ZFP14: variants seen among roughly 807,000 people sequenced by gnomAD.
ZFP14 encodes the protein ZFP14 zinc finger protein.
A neutral mutation model predicts 54.5 loss-of-function variants in ZFP14; 22 were observed. The ratio of observed to expected loss-of-function variants is 0.40; its 90% CI spans 0.29 to 0.58. The LOEUF is 0.58. Among genes scored for constraint, ZFP14 ranks in the 20% least tolerant of loss-of-function variants. ZFP14 has a pLI of 0.39. For synonymous variants in ZFP14, 159 were observed against 204.0 expected (o/e 0.78, Z 1.88); for missense variants, 470 against 637.8 (o/e 0.74, Z 2.83).
rs927909245 is a variant in ZFP14 at position 36,337,907 on chromosome 19, A to G, written c.*2317T>C. ...ATTGAAGATCATGTTTTCTGGACCC[A>G]TTATTCCATTAAGGTCTAGAAAATG... On this transcript the variant is annotated 3_prime_UTR_variant, in exon 5 of 5. Coordinates refer to ENST00000270001, the MANE Select transcript of ZFP14 (RefSeq NM_020917.3). The G allele has an allele frequency of 6.6e-6, 1 of 152,220 alleles. No individual in the cohort carries two copies. The highest frequency in any genetic ancestry group is 2.4e-5 in the African/African-American group (1 of 41,454). The allele number at this position is 152,220 out of a possible 1,614,324, so 9.4% of individuals were successfully genotyped here. A position where few individuals can be genotyped will look rare whatever the true frequency, so the allele number is the denominator to read the frequency against.
intron 4 of ZFP14, among the ~76,000 whole-genome samples, chr19:36,349,106 G>C (rs2145545389): frequency 6.6e-6 from 1 of 151,588 alleles, no homozygotes; most frequent in South Asian, 2.1e-4. Context: ...CCACATGCCT[G>C]TAATTCCAGC....
chr19:36,336,237 C>CGTT lies in ZFP14; in HGVS notation c.*3986_*3987insAAC, dbSNP rs2031192553. On this transcript the variant is annotated 3_prime_UTR_variant, in exon 5 of 5. Coordinates refer to ENST00000270001, the MANE Select transcript of ZFP14 (RefSeq NM_020917.3). ...TACTTTCTACTGTTACTTGGCTGTT[C>CGTT]CTTTTTTTTTTTTTTTTTTTTTGAC... 8.1e-6 allele frequency: 1 copy of CGTT among 123,124 alleles called. No individual in the cohort carries two copies. The highest frequency in any genetic ancestry group is 1.6e-5 in the Non-Finnish European group (1 of 61,248). 7.6% of individuals were successfully genotyped at this position (123,124 alleles called of 1,614,324 possible).
intron 2 of ZFP14, among the ~76,000 whole-genome samples, chr19:36,363,300 T>C (rs56854596): frequency 0.039 from 5,911 of 150,504 alleles, 357 homozygotes; most frequent in African/African-American, 0.14. Context: ...TTCACGCCAT[T>C]CTCCTGCCTC....
chr19:36,372,108 GAAGGAAGA>G (rs1252121029), intron 1 of ZFP14, among the ~76,000 whole-genome samples: 2 of 151,260 alleles, frequency 1.3e-5, no homozygotes, highest in Non-Finnish European at 3.0e-5. Flanking sequence ...AGGAAGGAAG[GAAGGAAGA>G]AAGGAAGGAA....
At chr19:36,354,533 T>C (rs2031582760) in intron 4 of ZFP14, among the ~76,000 whole-genome samples, 1 of 141,992 alleles carries the variant, frequency 7.0e-6, no homozygotes, top group Non-Finnish European at 1.6e-5. Flanking sequence ...AATACAAAGC[T>C]CCCCTCAGCC....
rs1328103405 is a variant in ZFP14, at chr19:36,349,252, A to C, written c.236-7662T>G. The stretch of plus-strand genomic sequence containing the variant: ...GTCTCAAAAAAAAAAACAAAAAAAA[A>C]AAAACAAAAAAAAAAAAACAGGAAG... On this transcript the variant is annotated intron_variant, in intron 4 of 4. Transcript: ENST00000270001. Among the ~76,000 whole-genome samples the C allele has an allele frequency of 1.3e-4, 9 of 70,074 alleles. 1 individual carries two copies. Among genetic ancestry groups the C allele is most frequent in the South Asian group, 1.2e-3 (3 of 2,572 alleles). 46.0% of individuals were successfully genotyped at this position (70,074 alleles called of 152,430 possible). A position where few individuals can be genotyped will look rare whatever the true frequency, so the allele number is the denominator to read the frequency against.
chr19:36,357,097 C>T (rs1247871108), intron 4 of ZFP14, among the ~76,000 whole-genome samples: 1 of 152,160 alleles, frequency 6.6e-6, no homozygotes. Context: ...GGCTGGAGTG[C>T]AGCGGTGTGA....
intron 4 of ZFP14, among the ~76,000 whole-genome samples, chr19:36,358,446 T>C (rs930506995): frequency 1.3e-5 from 2 of 152,156 alleles, no homozygotes; most frequent in Non-Finnish European, 2.9e-5. Flanking sequence ...CCCATGACCT[T>C]ATTGTGATTT....
intron 1 of ZFP14, among the ~76,000 whole-genome samples, chr19:36,372,716 T>C (rs888944529): frequency 1.3e-5 from 2 of 152,276 alleles, no homozygotes; most frequent in East Asian, 3.9e-4. Context: ...CCAAAGGAAA[T>C]GAAATCAGAA....
At chr19:36,364,543 G>T (rs981636402) in intron 2 of ZFP14, among the ~76,000 whole-genome samples, 1 of 152,094 alleles carries the variant, frequency 6.6e-6, no homozygotes, top group Non-Finnish European at 1.5e-5. Context: ...TGGGCATATC[G>T]GGTAAGAGCA....
chr19:36,372,108 G>A (rs547521271), intron 1 of ZFP14, among the ~76,000 whole-genome samples: 6 of 151,378 alleles, frequency 4.0e-5, no homozygotes, highest in African/African-American at 1.2e-4. Context: ...AGGAAGGAAG[G>A]AAGGAAGAAA....
chr19:36,365,300 T>C (rs1272859054), intron 2 of ZFP14, among the ~76,000 whole-genome samples: 1 of 152,212 alleles, frequency 6.6e-6, no homozygotes, highest in Non-Finnish European at 1.5e-5. Flanking sequence ...ATCTTTGCTT[T>C]TAGTATTTTA....
chr19:36,372,887 C>T (rs2031900808), intron 1 of ZFP14, among the ~76,000 whole-genome samples: 1 of 152,164 alleles, frequency 6.6e-6, no homozygotes, highest in Non-Finnish European at 1.5e-5. Flanking sequence ...TCATTTGTGA[C>T]AACACAGATG....
intron 4 of ZFP14, among the ~76,000 whole-genome samples, chr19:36,347,621 G>A (rs62112625): frequency 1.6e-4 from 4 of 25,278 alleles, no homozygotes; most frequent in African/African-American, 1.1e-3. Flanking sequence ...AAAAAACAAA[G>A]AAAAGAAAGA....
At chr19:36,357,983 T>G (rs1297310223) in intron 4 of ZFP14, among the ~76,000 whole-genome samples, 1 of 151,844 alleles carries the variant, frequency 6.6e-6, no homozygotes, top group Non-Finnish European at 1.5e-5. Context: ...CCTCAGGTGA[T>G]CCACCTGCCT....
chr19:36,359,606 A>G (rs1164035028), intron 4 of ZFP14, among the ~76,000 whole-genome samples: 2 of 152,150 alleles, frequency 1.3e-5, no homozygotes, highest in Non-Finnish European at 2.9e-5. Context: ...TAAGTTATCA[A>G]ATTTATTGGC....
chr19:36,349,252 AAAAAC>A (rs1260586893), intron 4 of ZFP14, among the ~76,000 whole-genome samples: 8 of 70,074 alleles, frequency 1.1e-4, no homozygotes, highest in Non-Finnish European at 1.8e-4. Flanking sequence ...ACAAAAAAAA[AAAAAC>A]AAAAAAAAAA....
intron 4 of ZFP14, among the ~76,000 whole-genome samples, chr19:36,354,201 T>G (rs2031576540): frequency 7.2e-6 from 1 of 139,018 alleles, no homozygotes; most frequent in Non-Finnish European, 1.6e-5. Flanking sequence ...TGAAACCTTG[T>G]CTCTACTAAA....
At chr19:36,359,979 A>G (rs1299114299) in intron 4 of ZFP14, 2 of 152,228 alleles carry the variant, frequency 1.3e-5, no homozygotes, top group Admixed American at 6.6e-5. Context: ...TAACGGCTAT[A>G]GGATCTAAAG....
Sources: allele counts gnomAD v4.1 joint callset (sites outside exome capture counted in the v4.1 genomes callset), GRCh38; gene constraint gnomAD v4.1.1; transcripts MANE v1.5; gene names NCBI Gene and HGNC (gene_info 2026-07-23, HGNC 2026-07-21).